The following DLGAP2 variants were observed in gnomAD, a reference collection of about 807,000 sequenced individuals.
DLGAP2 encodes disks large-associated protein 2.
Under a neutral mutation model 100.3 loss-of-function variants are expected in DLGAP2, and 26 were observed. The observed-to-expected ratio is 0.26, with a 90% confidence interval of 0.19 to 0.36. The LOEUF is 0.36. DLGAP2 is among the 10% of genes least tolerant of loss of function. The pLI is 1.00. For synonymous variants in DLGAP2, 886 were observed against 630.1 expected, an observed-to-expected ratio of 1.41 and a Z score of -6.08; for missense variants, 1,858 against 1,453.2, an observed-to-expected ratio of 1.28 and a Z score of -4.53.
chr8:1,681,528 C>T (rs907317682), intron 12 of DLGAP2, among the ~76,000 whole-genome samples: 11 of 151,914 alleles, frequency 7.2e-5, no homozygotes, highest in Non-Finnish European at 1.3e-4. Context: ...TGTGGTGGCA[C>T]ATGCCTGTAG....
chr8:1,131,353 C>A (rs1796289793), intron 2 of DLGAP2, among the ~76,000 whole-genome samples: 1 of 152,172 alleles, frequency 6.6e-6, no homozygotes, highest in African/African-American at 2.4e-5. Context: ...TACTCCAGAT[C>A]CACGTGCCGG....
intron 6 of DLGAP2, among the ~76,000 whole-genome samples, chr8:1,614,035 A>G (rs758086253): frequency 6.6e-6 from 1 of 152,116 alleles, no homozygotes; most frequent in African/African-American, 2.4e-5. Flanking sequence ...TTCAGCGAAA[A>G]TGGGCCTCAG....
At chr8:946,252 A>G (rs1006887923) in intron 2 of DLGAP2, among the ~76,000 whole-genome samples, 4 of 151,338 alleles carry the variant, frequency 2.6e-5, no homozygotes, top group Admixed American at 2.6e-4. Flanking sequence ...TTCTGTGAGA[A>G]TAGTGCTGTT....
intron 2 of DLGAP2, among the ~76,000 whole-genome samples, chr8:1,220,096 G>GT (rs1323585672): frequency 3.3e-5 from 5 of 151,968 alleles, no homozygotes; most frequent in Admixed American, 3.3e-4. Context: ...ATGGATTTTT[G>GT]TGTCTGAATT....
chr8:1,690,126 C>T (rs1440718282), intron 12 of DLGAP2, among the ~76,000 whole-genome samples: 11 of 151,358 alleles, frequency 7.3e-5, no homozygotes, highest in South Asian at 2.1e-4. Context: ...GAGGCCAAGG[C>T]GGGCTGATCA....
At chr8:852,198 A>G (rs957881560) in intron 1 of DLGAP2, among the ~76,000 whole-genome samples, 5 of 152,160 alleles carry the variant, frequency 3.3e-5, no homozygotes, top group African/African-American at 1.2e-4. Flanking sequence ...TCTGAGGGAT[A>G]GGAAATCTGT....
At chr8:881,331 C>T (rs778352977) in intron 1 of DLGAP2, among the ~76,000 whole-genome samples, 10 of 151,962 alleles carry the variant, frequency 6.6e-5, no homozygotes, top group East Asian at 1.9e-4. Flanking sequence ...ACGTTTGCCC[C>T]GATAATTTGA....
intron 2 of DLGAP2, among the ~76,000 whole-genome samples, chr8:1,179,436 C>T (rs957345768): frequency 9.9e-5 from 13 of 131,406 alleles, no homozygotes; most frequent in African/African-American, 3.3e-4. Context: ...GAAGGCTCAG[C>T]TCCCTGCTGT....
intron 2 of DLGAP2, among the ~76,000 whole-genome samples, chr8:1,042,825 G>A (rs1163875229): frequency 2.2e-4 from 24 of 108,624 alleles, no homozygotes; most frequent in African/African-American, 6.4e-4. Context: ...GATGTGGGTG[G>A]TGGGTGTGGG....
chr8:1,477,812 G>A (rs1798977799), intron 3 of DLGAP2, among the ~76,000 whole-genome samples: 1 of 151,160 alleles, frequency 6.6e-6, no homozygotes, highest in Admixed American at 6.6e-5. Flanking sequence ...AAAAAAAAAG[G>A]TGCCTAATGA....
At chr8:1,543,210 G>A (rs1033248671) in intron 4 of DLGAP2, among the ~76,000 whole-genome samples, 3 of 152,132 alleles carry the variant, frequency 2.0e-5, no homozygotes, top group African/African-American at 7.2e-5. Context: ...ATTTTAGGTA[G>A]TTTATTTTAT....
chr8:1,268,991 G>T (rs1009139445), intron 3 of DLGAP2, among the ~76,000 whole-genome samples: 1 of 152,176 alleles, frequency 6.6e-6, no homozygotes, highest in South Asian at 2.1e-4. Flanking sequence ...CGTAGTCCTT[G>T]GTCTGAGATG....
intron 1 of DLGAP2, among the ~76,000 whole-genome samples, chr8:830,343 T>G (rs1475123937): frequency 6.6e-6 from 1 of 152,188 alleles, no homozygotes; most frequent in Non-Finnish European, 1.5e-5. Context: ...AAATGTACAA[T>G]TACATTATTA....
chr8:1,377,975 C>T (rs1795997832), intron 3 of DLGAP2: 1 of 152,578 alleles, frequency 6.6e-6, no homozygotes, highest in African/African-American at 2.4e-5. Context: ...CCCCCAGGGC[C>T]TTTGGCTGCC....
intron 3 of DLGAP2, among the ~76,000 whole-genome samples, chr8:1,263,394 T>C (rs142048793): frequency 7.9e-5 from 12 of 152,302 alleles, no homozygotes; most frequent in African/African-American, 2.9e-4. Flanking sequence ...CCTTGGAATT[T>C]TGGGAAGACC....
intron 2 of DLGAP2, among the ~76,000 whole-genome samples, chr8:928,111 C>T (rs1043990388): frequency 7.9e-5 from 12 of 152,146 alleles, no homozygotes; most frequent in African/African-American, 2.9e-4. Flanking sequence ...CTGGGGAGGG[C>T]GCCAGCCTGA....
chr8:1,162,061 G>A (rs1216665210), intron 2 of DLGAP2, among the ~76,000 whole-genome samples: 2 of 152,216 alleles, frequency 1.3e-5, no homozygotes, highest in African/African-American at 4.8e-5. Context: ...GCCTGCGTTT[G>A]CAGCAGAAGT....
intron 4 of DLGAP2, among the ~76,000 whole-genome samples, chr8:1,537,276 C>A (rs1584902998): frequency 6.6e-6 from 1 of 152,144 alleles, no homozygotes; most frequent in African/African-American, 2.4e-5. Flanking sequence ...CATAATCATG[C>A]ATGTGTGGTT....
chr8:1,059,467 G>A (rs1380354349), intron 2 of DLGAP2, among the ~76,000 whole-genome samples: 2 of 152,168 alleles, frequency 1.3e-5, no homozygotes, highest in Non-Finnish European at 2.9e-5. Context: ...GAGACCCCAG[G>A]AGCTCCAGCC....
Sources: gnomAD v4.1 joint callset for allele counts (sites outside exome capture counted in the v4.1 genomes callset) on GRCh38, gnomAD v4.1.1 for gene constraint, MANE v1.5 for transcripts, NCBI Gene and HGNC (gene_info 2026-07-23, HGNC 2026-07-21) for gene names.